KCNS3: variants seen among roughly 807,000 people sequenced by gnomAD.
KCNS3 encodes delayed-rectifier potassium channel regulatory subunit KCNS3.
KCNS3 carries 13 observed loss-of-function variants against 31.0 expected under a neutral mutation model. The observed-to-expected ratio is 0.42, with a 90% confidence interval of 0.27 to 0.67. The LOEUF is 0.67. KCNS3 is among the 30% of genes least tolerant of loss of function. KCNS3 has a pLI of 0.25. For missense variants in KCNS3, 545 were observed against 622.4 expected (o/e 0.88, Z 1.32); for synonymous variants, 238 against 241.5 (o/e 0.99, Z 0.13).
chr2:17,917,068 A>G (rs1662607230), intron 1 of KCNS3, among the ~76,000 whole-genome samples: 1 of 152,108 alleles, frequency 6.6e-6, no homozygotes, highest in Non-Finnish European at 1.5e-5. Context: ...ATTTGTTGTG[A>G]CAGAAACTTA....
intron 1 of KCNS3, among the ~76,000 whole-genome samples, chr2:17,894,550 T>G (rs1052107038): frequency 6.6e-6 from 1 of 152,238 alleles, no homozygotes; most frequent in African/African-American, 2.4e-5. Flanking sequence ...GTGGAACTAT[T>G]TCAAATTTCC....
At chr2:17,884,497 A>G (rs983988760) in intron 1 of KCNS3, among the ~76,000 whole-genome samples, 2 of 151,958 alleles carry the variant, frequency 1.3e-5, no homozygotes, top group Non-Finnish European at 2.9e-5. Context: ...AGGTACAAGC[A>G]TGGGAAGCAG....
chr2:17,887,737 A>T (rs1661712792), intron 1 of KCNS3, among the ~76,000 whole-genome samples: 2 of 152,138 alleles, frequency 1.3e-5, no homozygotes, highest in Non-Finnish European at 2.9e-5. Context: ...TTAGTTCTTT[A>T]AGGAATCTCC....
chr2:17,917,858 T>A lies in KCNS3; in HGVS notation c.-73T>A, dbSNP rs1662626179. 1 of 152,724 alleles carries A rather than the reference T, an allele frequency of 6.5e-6. No individual in the cohort carries two copies. Among genetic ancestry groups the A allele is most frequent in the South Asian group, 2.1e-4 (1 of 4,834 alleles). The allele number at this position is 152,724 out of a possible 1,614,324, so 9.5% of individuals were successfully genotyped here. On this transcript the variant is annotated 5_prime_UTR_variant, in exon 2 of 3. Transcript: ENST00000304101. ...CAGGATGAAGGCAGAGCGTGTGGCA[T>A]CTCCACCTCAAGGGTAAGAGTTGCC...
chr2:17,919,588 T>G (rs1662668498), intron 2 of KCNS3: 1 of 152,206 alleles, frequency 6.6e-6, no homozygotes, highest in Non-Finnish European at 1.5e-5. Context: ...AAGTTCAACA[T>G]TGAAACGTTG....
At chr2:17,930,899 T>C in intron 2 of KCNS3, 51 bp from the exon 3 acceptor site, 1 of 1,290,138 alleles carries the variant, frequency 7.8e-7, no homozygotes, top group South Asian at 1.5e-5. Flanking sequence ...AAAATAAGCT[T>C]GGCTGGGCAC....
intron 1 of KCNS3, among the ~76,000 whole-genome samples, chr2:17,908,211 A>C (rs1020904168): frequency 6.6e-6 from 1 of 152,168 alleles, no homozygotes; most frequent in African/African-American, 2.4e-5. Flanking sequence ...TCATTCATTT[A>C]ATCTTCAATC....
chr2:17,914,028 G>T (rs1662530086), intron 1 of KCNS3, among the ~76,000 whole-genome samples: 1 of 152,184 alleles, frequency 6.6e-6, no homozygotes, highest in African/African-American at 2.4e-5. Context: ...TGCCAGGAGG[G>T]TACTCACAGG....
intron 1 of KCNS3, among the ~76,000 whole-genome samples, chr2:17,913,890 C>T (rs186725308): frequency 6.6e-6 from 1 of 152,126 alleles, no homozygotes; most frequent in Non-Finnish European, 1.5e-5. Flanking sequence ...CTGCTAAACA[C>T]TCTACTGTGA....
chr2:17,916,455 C>T (rs1434932947), intron 1 of KCNS3, among the ~76,000 whole-genome samples: 1 of 152,172 alleles, frequency 6.6e-6, no homozygotes, highest in Non-Finnish European at 1.5e-5. Context: ...TGAGATTTCT[C>T]TACCTCCTCT....
At chr2:17,928,886 C>T (rs1009183502) in intron 2 of KCNS3, among the ~76,000 whole-genome samples, 5 of 152,096 alleles carry the variant, frequency 3.3e-5, no homozygotes, top group African/African-American at 2.4e-5. Context: ...TAGATTCTGT[C>T]TTATAAACTT....
chr2:17,881,497 C>T (rs1357079467), intron 1 of KCNS3, among the ~76,000 whole-genome samples: 1 of 152,170 alleles, frequency 6.6e-6, no homozygotes, highest in Non-Finnish European at 1.5e-5. Context: ...TTTGTTGTTA[C>T]GCTGTACTAG....
In KCNS3 at chr2:17,932,834, A is replaced by C. The variant is rs1663036006; in HGVS notation, c.*350A>C. 5.0e-6 allele frequency: 1 copy of C among 201,548 alleles called. No homozygotes were observed. The highest frequency in any genetic ancestry group is 2.4e-5 in the African/African-American group (1 of 42,332). 12.5% of individuals were successfully genotyped at this position (201,548 alleles called of 1,614,324 possible). A position where few individuals can be genotyped will look rare whatever the true frequency, so the allele number is the denominator to read the frequency against. ...CTTTAAATTACTGACAAGTAGAATC[A>C]AAGGTGCAGCTGACTGAGACGACAT... On this transcript the variant is annotated 3_prime_UTR_variant, in exon 3 of 3. Coordinates refer to ENST00000304101, the MANE Select transcript of KCNS3 (RefSeq NM_002252.5).
At chr2:17,879,540 C>CT (rs34167571) in intron 1 of KCNS3, 68,691 of 147,446 alleles carry the variant, frequency 0.47, 17,489 homozygotes, top group East Asian at 0.97. Context: ...AGGAACTCCT[C>CT]TTTTTTTTTT....
At chr2:17,885,976 G>T (rs555344081) in intron 1 of KCNS3, among the ~76,000 whole-genome samples, 4 of 152,214 alleles carry the variant, frequency 2.6e-5, no homozygotes, top group African/African-American at 9.6e-5. Flanking sequence ...TAGGGAATGA[G>T]AGTATAAATA....
intron 1 of KCNS3, among the ~76,000 whole-genome samples, chr2:17,884,950 T>TTC (rs1553341066): frequency 1.4e-5 from 2 of 139,774 alleles, no homozygotes; most frequent in Non-Finnish European, 3.1e-5. Flanking sequence ...TTTTTTTTTT[T>TTC]CCTCACTGCC....
At chr2:17,917,188 T>C (rs1662610621) in intron 1 of KCNS3, among the ~76,000 whole-genome samples, 1 of 152,160 alleles carries the variant, frequency 6.6e-6, no homozygotes, top group African/African-American at 2.4e-5. Context: ...TAAAGCAAAA[T>C]TGAATTTGGC....
intron 2 of KCNS3, among the ~76,000 whole-genome samples, chr2:17,920,821 C>T (rs964136129): frequency 2.0e-5 from 3 of 152,220 alleles, no homozygotes; most frequent in Admixed American, 6.5e-5. Flanking sequence ...TGTCAATCTC[C>T]TTACAGTATG....
intron 1 of KCNS3, among the ~76,000 whole-genome samples, chr2:17,885,684 C>G (rs1661639216): frequency 6.6e-6 from 1 of 152,184 alleles, no homozygotes; most frequent in African/African-American, 2.4e-5. Context: ...AGGCTTTCAG[C>G]TGATTTAATG....
Sources: gnomAD v4.1 joint callset for allele counts (sites outside exome capture counted in the v4.1 genomes callset) on GRCh38, gnomAD v4.1.1 for gene constraint, MANE v1.5 for transcripts, NCBI Gene and HGNC (gene_info 2026-07-23, HGNC 2026-07-21) for gene names.